Variants in ADA2 observed in about 807,000 individuals in gnomAD.
The protein encoded by ADA2 is adenosine deaminase 2, also known as adenosine deaminase CECR1.
Under a neutral mutation model 44.2 loss-of-function variants are expected in ADA2, and 29 were observed. That is an observed-to-expected ratio of 0.66 (90% CI 0.49 to 0.89). ADA2 has a LOEUF of 0.89. Among genes scored for constraint, ADA2 ranks in the 40% least tolerant of loss-of-function variants. The pLI is 0.00. For missense variants in ADA2, 637 were observed against 644.8 expected, an observed-to-expected ratio of 0.99 and a Z score of 0.13; for synonymous variants, 215 against 234.9, an observed-to-expected ratio of 0.92 and a Z score of 0.77.
intron 4 of ADA2, among the ~76,000 whole-genome samples, chr22:17,193,525 TGTG>T (rs933954467): frequency 5.4e-4 from 82 of 150,982 alleles, no homozygotes; most frequent in Non-Finnish European, 3.8e-4. Context: ...ATTAGCCGGG[TGTG>T]GTGGTGCGTG....
chr22:17,216,029 A>C (rs2062467705), intron 1 of ADA2, among the ~76,000 whole-genome samples: 1 of 151,912 alleles, frequency 6.6e-6, no homozygotes, highest in Non-Finnish European at 1.5e-5. Context: ...TCTACTAAAA[A>C]TACAAAAATT....
intron 6 of ADA2, 63 bp downstream of exon 6, chr22:17,189,879 C>A: frequency 2.4e-6 from 3 of 1,230,584 alleles, no homozygotes; most frequent in Non-Finnish European, 3.6e-6. Context: ...TGCCGCTCCA[C>A]CCAGACAGGC....
chr22:17,189,167 C>G (rs2062082226), intron 6 of ADA2, among the ~76,000 whole-genome samples: 1 of 151,706 alleles, frequency 6.6e-6, no homozygotes, highest in Non-Finnish European at 1.5e-5. Context: ...CAGGTGCAGG[C>G]CACCAAGGCT....
chr22:17,203,588 A>G lies in ADA2; in HGVS notation c.728T>C (p.Met243Thr). The part of the protein sequence containing the change: ...QEFYEDNVLY[M>T]EIRARLLPVY... ...CGGCAGCAGCCTGGCTCTGATCTCC[A>G]TGTAGAGCACGTTGTCCTCGTAGAA... The change falls in exon 4 of 10, where the codon ATG becomes ACG. Residue 243 changes from methionine to threonine, a missense_variant. Coordinates refer to ENST00000399837, the MANE Select transcript of ADA2 (RefSeq NM_001282225.2). 2 of 1,612,792 alleles carry G rather than the reference A, an allele frequency of 1.2e-6. No individual in the cohort carries two copies. The highest frequency in any genetic ancestry group is 1.7e-6 in the Non-Finnish European group (2 of 1,179,922).
upstream of ADA2, chr22:17,219,726 GT>G (rs1168515945): frequency 7.1e-6 from 1 of 139,950 alleles, no homozygotes. Context: ...CCAAGCTGGA[GT>G]GCAATGGCGC....
chr22:17,210,426 G>A (rs1249518100), intron 1 of ADA2, among the ~76,000 whole-genome samples: 1 of 151,934 alleles, frequency 6.6e-6, no homozygotes, highest in African/African-American at 2.4e-5. Flanking sequence ...CTGACCTCAG[G>A]TGATCCGCCA....
intron 7 of ADA2, among the ~76,000 whole-genome samples, chr22:17,188,039 G>A (rs1203940392): frequency 1.3e-5 from 2 of 151,452 alleles, no homozygotes; most frequent in African/African-American, 4.9e-5. Context: ...GGGAAGCCGA[G>A]GTTGCAGTGA....
At chr22:17,216,797 TAG>T (rs55765618) in intron 1 of ADA2, among the ~76,000 whole-genome samples, 1 of 147,170 alleles carries the variant, frequency 6.8e-6, no homozygotes, top group Non-Finnish European at 1.5e-5. Flanking sequence ...CACATATATA[TAG>T]AGAGAGAGAC....
intron 1 of ADA2, among the ~76,000 whole-genome samples, chr22:17,215,790 A>C (rs537587109): frequency 2.0e-4 from 30 of 152,192 alleles, no homozygotes; most frequent in South Asian, 4.1e-4. Flanking sequence ...ACCAGAGACT[A>C]TGAAGGGTTG....
chr22:17,203,565 G>A lies in ADA2; in HGVS notation c.751C>T (p.Pro251Ser). 2 of 1,611,216 alleles carry A rather than the reference G, an allele frequency of 1.2e-6. No individual in the cohort carries two copies. Among genetic ancestry groups the A allele is most frequent in the Non-Finnish European group, 1.7e-6 (2 of 1,178,962 alleles). ...ACAGAGAGGAGAGCTGGGCTCACCGGCAGCAGCCTGGCTCTGATCTCCATG... is the reference window on the plus strand; with the variant it reads ...ACAGAGAGGAGAGCTGGGCTCACCGACAGCAGCCTGGCTCTGATCTCCATG... ...LYMEIRARLLPVYELSGEHHD... is the reference protein window; with the variant it reads ...LYMEIRARLLSVYELSGEHHD... The change falls in exon 4 of 10, where the codon CCG (proline) becomes TCG (serine). Residue 251 changes from proline (P) to serine (S), a missense_variant and splice_region_variant. Physicochemically the swap from Pro to Ser is moderately conservative, Grantham distance 74. Coordinates refer to ENST00000399837, the MANE Select transcript of ADA2 (RefSeq NM_001282225.2).
At chr22:17,182,480 A>G in intron 8 of ADA2, 124 bp downstream of exon 8, 3 of 963,704 alleles carry the variant, frequency 3.1e-6, no homozygotes, top group South Asian at 1.5e-5. Flanking sequence ...CAGGGGTAGG[A>G]GAGTGGAGGG....
intron 4 of ADA2, among the ~76,000 whole-genome samples, chr22:17,203,007 C>A (rs2062309312): frequency 6.6e-6 from 1 of 151,986 alleles, no homozygotes; most frequent in Admixed American, 6.6e-5. Flanking sequence ...AACTCTTGAC[C>A]TTGTGATCTG....
At chr22:17,188,170 T>A (rs1030975354) in intron 7 of ADA2, among the ~76,000 whole-genome samples, 169 bp downstream of exon 7, 2 of 152,236 alleles carry the variant, frequency 1.3e-5, no homozygotes, top group Non-Finnish European at 1.5e-5. Flanking sequence ...CTGATTCTAT[T>A]ATCCTTGTTA....
At chr22:17,209,216 A>T (rs563395536) in intron 2 of ADA2, 140 bp downstream of exon 2, 2 of 726,852 alleles carry the variant, frequency 2.8e-6, no homozygotes, top group South Asian at 3.7e-5. Flanking sequence ...TAGTCTACCC[A>T]TAAGGACAGA....
intron 5 of ADA2, 130 bp from the exon 6 acceptor site, chr22:17,190,162 C>A (rs2286347): frequency 2.9e-6 from 2 of 680,342 alleles, no homozygotes; most frequent in Admixed American, 2.3e-5. Flanking sequence ...CCTGAGGCAC[C>A]CCTGCCCTCC....
At chr22:17,201,393 G>C (rs1428374548) in intron 4 of ADA2, among the ~76,000 whole-genome samples, 1 of 152,128 alleles carries the variant, frequency 6.6e-6, no homozygotes, top group African/African-American at 2.4e-5. Context: ...AAACTTCGGA[G>C]CGTATAAAAG....
At chr22:17,192,507 T>C (rs1453401795) in intron 4 of ADA2, among the ~76,000 whole-genome samples, 1 of 150,640 alleles carries the variant, frequency 6.6e-6, no homozygotes, top group East Asian at 2.0e-4. Context: ...GAGTTGGGAG[T>C]GGGCAGGTGA....
upstream of ADA2, among the ~76,000 whole-genome samples, chr22:17,220,133 G>A (rs1018886248): frequency 6.6e-6 from 1 of 152,162 alleles, no homozygotes; most frequent in Non-Finnish European, 1.5e-5. Context: ...TCCTCAAAAT[G>A]TGATTGTGGA....
At chr22:17,190,398 C>T (rs1426655873) in intron 5 of ADA2, among the ~76,000 whole-genome samples, 1 of 152,166 alleles carries the variant, frequency 6.6e-6, no homozygotes, top group Non-Finnish European at 1.5e-5. Context: ...ATGGATGCAG[C>T]TCAGGGGCAG....
Sources: gnomAD v4.1 joint callset for allele counts (sites outside exome capture counted in the v4.1 genomes callset) on GRCh38, gnomAD v4.1.1 for gene constraint, MANE v1.5 for transcripts, NCBI Gene and HGNC (gene_info 2026-07-23, HGNC 2026-07-21) for gene names.